PLA2G4A: variants seen among roughly 807,000 people sequenced by gnomAD.
PLA2G4A encodes the protein phospholipase A2 group IVA, also known as cytosolic phospholipase A2.
In PLA2G4A, 40 loss-of-function variants were observed where a neutral mutation model predicts 81.9. The ratio of observed to expected loss-of-function variants is 0.49; its 90% CI spans 0.38 to 0.64. The LOEUF (loss-of-function observed/expected upper bound fraction) is 0.64. Ranked by LOEUF, PLA2G4A falls within the 30% of genes least tolerant of loss-of-function variation. PLA2G4A has a pLI of 0.00. For missense variants in PLA2G4A, 715 were observed against 905.1 expected (o/e 0.79, Z 2.69); for synonymous variants, 302 against 296.9 (o/e 1.02, Z -0.18).
chr1:186,852,804 G>C lies in PLA2G4A; in HGVS notation c.-69-1482G>C, dbSNP rs1222309689. 2.0e-5 allele frequency among the ~76,000 whole-genome samples: 3 copies of C among 151,922 alleles called. No individual in the cohort carries two copies. The East Asian group carries it at 5.8e-4, about 29-fold the overall frequency. ...ATAATAAAACTATAGCACTAAAGTA[G>C]TTTATAATTGGTTAATGTTATCAGG... On this transcript the variant is annotated intron_variant, in intron 1 of 17. Transcript: ENST00000367466.
At chr1:186,950,863 TGA>T in intron 13 of PLA2G4A, 135 bp downstream of exon 13, 1 of 681,454 alleles carries the variant, frequency 1.5e-6, no homozygotes. Context: ...AGCTTTCTGT[TGA>T]GAGAGAGGAT....
intron 2 of PLA2G4A, among the ~76,000 whole-genome samples, chr1:186,858,716 A>G (rs1652684664): frequency 6.6e-6 from 1 of 152,086 alleles, no homozygotes; most frequent in Non-Finnish European, 1.5e-5. Flanking sequence ...GTAATATTAT[A>G]TTATACCATA....
Position 186,894,142 on chromosome 1 carries a change from G to A in PLA2G4A, c.309G>A (p.Gly103=). The change falls in exon 5 of 18, where the codon GGG becomes GGA. Residue 103 remains glycine, a synonymous_variant. Coordinates refer to ENST00000367466, the MANE Select transcript of PLA2G4A (RefSeq NM_024420.3). ...ATTATGTCATGGATGAAACTCTAGGGACAGCAACATTTACTGTATCTTCTA... is the reference window on the plus strand; with the variant it reads ...ATTATGTCATGGATGAAACTCTAGGAACAGCAACATTTACTGTATCTTCTA... ...DANYVMDETL[G]TATFTVSSMK... is the part of the protein sequence containing the mutation. The A allele has an allele frequency of 6.6e-7, 1 of 1,523,948 alleles. No individual in the cohort carries two copies. Among genetic ancestry groups the A allele is most frequent in the Non-Finnish European group, 9.1e-7 (1 of 1,097,834 alleles). 94.4% of individuals were successfully genotyped at this position (1,523,948 alleles called of 1,614,324 possible). A position where few individuals can be genotyped will look rare whatever the true frequency, so the allele number is the denominator to read the frequency against.
intron 8 of PLA2G4A, among the ~76,000 whole-genome samples, chr1:186,936,777 T>C (rs531971509): frequency 6.6e-6 from 1 of 152,094 alleles, no homozygotes; most frequent in South Asian, 2.1e-4. Context: ...AAATCTAAAA[T>C]GCATATAGAT....
At chr1:186,948,588 A>T (rs530521277) in intron 12 of PLA2G4A, among the ~76,000 whole-genome samples, 1 of 152,084 alleles carries the variant, frequency 6.6e-6, no homozygotes, top group Non-Finnish European at 1.5e-5. Flanking sequence ...TCTGTTGAAT[A>T]ATCCAGATAA....
chr1:186,897,427 A>C (rs1293407828), intron 5 of PLA2G4A, among the ~76,000 whole-genome samples: 2 of 152,150 alleles, frequency 1.3e-5, no homozygotes, highest in African/African-American at 2.4e-5. Flanking sequence ...GGTTGGATTA[A>C]ATTTTTCTAA....
chr1:186,840,583 T>A (rs2102006127), intron 1 of PLA2G4A, among the ~76,000 whole-genome samples: 1 of 152,304 alleles, frequency 6.6e-6, no homozygotes, highest in Admixed American at 6.5e-5. Flanking sequence ...TTATTCCTCT[T>A]AAAGATCATA....
intron 3 of PLA2G4A, among the ~76,000 whole-genome samples, chr1:186,889,574 A>G (rs1654060969): frequency 6.6e-6 from 1 of 152,234 alleles, no homozygotes; most frequent in African/African-American, 2.4e-5. Context: ...GCATCTAAAG[A>G]AGCTGATGAC....
intron 14 of PLA2G4A, among the ~76,000 whole-genome samples, chr1:186,964,422 C>T (rs992774036): frequency 1.3e-5 from 2 of 152,158 alleles, no homozygotes; most frequent in Non-Finnish European, 2.9e-5. Context: ...CTTGCCATCT[C>T]ATCTGTTCTC....
intron 15 of PLA2G4A, among the ~76,000 whole-genome samples, chr1:186,974,506 A>G (rs1270476680): frequency 2.0e-5 from 3 of 152,210 alleles, no homozygotes; most frequent in African/African-American, 7.2e-5. Flanking sequence ...CAAAACACCA[A>G]AATGAGCACA....
chr1:186,946,568 A>G, intron 10 of PLA2G4A, 69 bp from the exon 11 acceptor site: 1 of 1,051,824 alleles, frequency 9.5e-7, no homozygotes, highest in South Asian at 1.3e-5. Flanking sequence ...TAAAGTGATC[A>G]TTAATTGTGC....
intron 1 of PLA2G4A, among the ~76,000 whole-genome samples, chr1:186,852,638 A>C (rs918126371): frequency 1.3e-4 from 19 of 151,988 alleles, no homozygotes; most frequent in African/African-American, 3.9e-4. Context: ...TAAGAGAGAG[A>C]GCCCATTCCA....
intron 16 of PLA2G4A, 141 bp from the exon 17 acceptor site, chr1:186,979,174 A>G (rs1571465111): frequency 2.9e-6 from 2 of 696,904 alleles, no homozygotes; most frequent in East Asian, 5.4e-5. Flanking sequence ...CAGACACGAT[A>G]AAAGTCAGAG....
intron 1 of PLA2G4A, among the ~76,000 whole-genome samples, chr1:186,839,918 G>C (rs984264230): frequency 6.7e-6 from 1 of 149,626 alleles, no homozygotes; most frequent in African/African-American, 2.5e-5. Context: ...ATTATTTAAA[G>C]GGTCTGCAGA....
chr1:186,867,136 G>T (rs1159196348), intron 2 of PLA2G4A, among the ~76,000 whole-genome samples: 1 of 151,660 alleles, frequency 6.6e-6, no homozygotes, highest in African/African-American at 2.4e-5. Flanking sequence ...AGTTGCATAG[G>T]GTCAGTCCTC....
intron 15 of PLA2G4A, among the ~76,000 whole-genome samples, chr1:186,969,275 A>ATTAC (rs1553222233): frequency 1.3e-5 from 2 of 151,034 alleles, no homozygotes; most frequent in African/African-American, 4.9e-5. Flanking sequence ...TTTATTTTTA[A>ATTAC]TTATGGATGC....
intron 5 of PLA2G4A, among the ~76,000 whole-genome samples, chr1:186,898,692 A>G (rs1654434024): frequency 6.6e-6 from 1 of 152,238 alleles, no homozygotes; most frequent in South Asian, 2.1e-4. Context: ...AAAGATTTAT[A>G]CAGTGAACAT....
At chr1:186,931,607 C>G (rs1480620660) in intron 7 of PLA2G4A, among the ~76,000 whole-genome samples, 2 of 151,376 alleles carry the variant, frequency 1.3e-5, no homozygotes, top group Non-Finnish European at 2.9e-5. Context: ...CAAATCCTTC[C>G]TCTTTGTTCT....
At chr1:186,862,234 A>G (rs867021447) in intron 2 of PLA2G4A, among the ~76,000 whole-genome samples, 1 of 8,878 alleles carries the variant, frequency 1.1e-4, no homozygotes, top group African/African-American at 6.1e-4. Context: ...TTTTTTTTTG[A>G]GACAGGGTCT....
Sources: allele counts gnomAD v4.1 joint callset (sites outside exome capture counted in the v4.1 genomes callset), GRCh38; gene constraint gnomAD v4.1.1; transcripts MANE v1.5; gene names NCBI Gene and HGNC (gene_info 2026-07-23, HGNC 2026-07-21).